Variants in METTL8 observed in about 807,000 individuals in gnomAD.
METTL8 encodes the protein tRNA N(3)-cytidine methyltransferase METTL8, mitochondrial.
A neutral mutation model predicts 48.7 loss-of-function variants in METTL8; 32 were observed. The ratio of observed to expected loss-of-function variants is 0.66; its 90% CI spans 0.50 to 0.88. The LOEUF (loss-of-function observed/expected upper bound fraction) is 0.88, where lower values mean the gene tolerates loss of function less well. METTL8 is among the 40% of genes least tolerant of loss of function. METTL8 has a pLI of 0.00. For synonymous variants in METTL8, 136 were observed against 157.1 expected (o/e 0.87, Z 1.01); for missense variants, 464 against 474.4 (o/e 0.98, Z 0.20).
chr2:171,378,568 G>A (rs2105522319), intron 2 of METTL8, among the ~76,000 whole-genome samples: 1 of 152,186 alleles, frequency 6.6e-6, no homozygotes, highest in East Asian at 1.9e-4. Context: ...GGAGGTGGAG[G>A]TTGCAGTGAG....
At chr2:171,408,523 C>G (rs990219308) in intron 1 of METTL8, among the ~76,000 whole-genome samples, 10 of 152,122 alleles carry the variant, frequency 6.6e-5, no homozygotes, top group South Asian at 2.1e-4. Flanking sequence ...AACTCCCGAT[C>G]TCACGTGATC....
chr2:171,330,562 T>C lies in METTL8; in HGVS notation c.857A>G (p.Asp286Gly), dbSNP rs959955896. Residue 286 changes from aspartate to glycine, a missense_variant, in exon 7 of 10, where the codon GAC becomes GGC. Physicochemically the swap from Asp to Gly is moderately conservative, Grantham distance 94. Coordinates refer to ENST00000375258, the MANE Select transcript of METTL8 (RefSeq NM_001321154.2). ...TTGCCCTTTCGTCTTCATTTACCTG[T>C]CAGGATGAATAGAAGAGAGCACAAA... is the stretch of plus-strand genomic sequence containing the variant. ...LVFVLSSIHP[D>G]RMQGVVNRLS... The C allele has an allele frequency of 5.0e-6, 8 of 1,613,100 alleles. No individual in the cohort carries two copies. The African/African-American group carries it at 5.3e-5, about 11-fold the overall frequency.
At chr2:171,417,409 T>C (rs1691422496) in intron 1 of METTL8, among the ~76,000 whole-genome samples, 1 of 152,160 alleles carries the variant, frequency 6.6e-6, no homozygotes, top group Non-Finnish European at 1.5e-5. Flanking sequence ...TAATAATAAA[T>C]AGATTCAAAC....
intron 1 of METTL8, among the ~76,000 whole-genome samples, chr2:171,399,040 C>T (rs1196776321): frequency 1.3e-5 from 2 of 152,072 alleles, no homozygotes; most frequent in African/African-American, 4.8e-5. Context: ...ATTAATGTCA[C>T]ATCAAAGGTA....
intron 3 of METTL8, among the ~76,000 whole-genome samples, chr2:171,359,770 G>A (rs1398804134): frequency 6.6e-6 from 1 of 151,948 alleles, no homozygotes; most frequent in East Asian, 1.9e-4. Context: ...GTGCCACCAC[G>A]ACCAGCTAAT....
intron 2 of METTL8, among the ~76,000 whole-genome samples, chr2:171,371,599 C>T (rs1319359409): frequency 6.6e-6 from 1 of 151,952 alleles, no homozygotes; most frequent in African/African-American, 2.4e-5. Flanking sequence ...TCAGGTGATG[C>T]GCCTGCCTTG....
At chr2:171,361,888 A>C (rs1429699463) in intron 2 of METTL8, among the ~76,000 whole-genome samples, 1 of 152,232 alleles carries the variant, frequency 6.6e-6, no homozygotes, top group Non-Finnish European at 1.5e-5. Context: ...TGAAACATGC[A>C]TGGCTAGCAC....
intron 6 of METTL8, 45 bp from the exon 7 acceptor site, chr2:171,330,743 C>A: frequency 6.7e-7 from 1 of 1,493,178 alleles, no homozygotes; most frequent in Non-Finnish European, 9.0e-7. Context: ...ACTTAGTAGA[C>A]TTCCGGGATT....
rs1200214853 is a variant in METTL8 at position 171,322,131 on chromosome 2, T to G, written c.*2041A>C. ...GTGCCCACCACCACGCCTGGCTAATTTTTTTTGTATTTTTAGTAGAGACAG... is the reference window on the plus strand; with the variant it reads ...GTGCCCACCACCACGCCTGGCTAATGTTTTTTGTATTTTTAGTAGAGACAG... On this transcript the variant is annotated 3_prime_UTR_variant, in exon 10 of 10. Transcript: ENST00000375258. 5 of 151,510 alleles carry G rather than the reference T, an allele frequency of 3.3e-5. No individual in the cohort carries two copies. Among genetic ancestry groups the G allele is most frequent in the Admixed American group, 2.6e-4 (4 of 15,214 alleles). 9.4% of individuals were successfully genotyped at this position (151,510 alleles called of 1,614,324 possible).
intron 3 of METTL8, among the ~76,000 whole-genome samples, chr2:171,350,052 T>G (rs1683718901): frequency 6.6e-6 from 1 of 152,144 alleles, no homozygotes; most frequent in African/African-American, 2.4e-5. Context: ...CATGTTGGTG[T>G]GCTGCACCCA....
upstream of METTL8, chr2:171,434,663 A>G: frequency 6.5e-7 from 1 of 1,530,282 alleles, no homozygotes; most frequent in East Asian, 2.5e-5. Flanking sequence ...GGCGTGGTGC[A>G]GAGGACCAAC....
At chr2:171,325,683 C>A (rs1684876981) in intron 9 of METTL8, among the ~76,000 whole-genome samples, 158 bp downstream of exon 9, 1 of 152,172 alleles carries the variant, frequency 6.6e-6, no homozygotes, top group Admixed American at 6.5e-5. Flanking sequence ...CATTTTCAAC[C>A]TTTTATGTAG....
chr2:171,407,338 C>CG (rs1331421917), intron 1 of METTL8, among the ~76,000 whole-genome samples: 13 of 149,332 alleles, frequency 8.7e-5, no homozygotes, highest in East Asian at 3.9e-4. Flanking sequence ...ACTCTAAAAG[C>CG]GGGGGGGAAA....
rs548514015 is a variant in METTL8, at chr2:171,323,805, T to C, written c.*367A>G. On this transcript the variant is annotated 3_prime_UTR_variant, in exon 10 of 10. Transcript: ENST00000375258. ...GTCTGACTGTGTTTGGGAACTGGTT[T>C]ACTAAGCCTAAACAAATAAACAATT... 1 of 160,856 alleles carries C rather than the reference T, an allele frequency of 6.2e-6. No homozygotes were observed. Among genetic ancestry groups the C allele is most frequent in the East Asian group, 1.8e-4 (1 of 5,556 alleles). 10.0% of individuals were successfully genotyped at this position (160,856 alleles called of 1,614,324 possible). A position where few individuals can be genotyped will look rare whatever the true frequency, so the allele number is the denominator to read the frequency against.
chr2:171,414,975 T>G (rs1054536684), intron 1 of METTL8, among the ~76,000 whole-genome samples: 4 of 152,152 alleles, frequency 2.6e-5, no homozygotes, highest in African/African-American at 9.7e-5. Context: ...GCTCACATTC[T>G]CTCTCTTGCC....
chr2:171,340,027 T>G (rs113978016), intron 3 of METTL8, among the ~76,000 whole-genome samples: 95 of 150,840 alleles, frequency 6.3e-4, no homozygotes, highest in African/African-American at 2.3e-3. Flanking sequence ...TGAAACCCCA[T>G]CTCTACTAAA....
chr2:171,382,747 A>G (rs892772060), intron 2 of METTL8, among the ~76,000 whole-genome samples: 1 of 152,128 alleles, frequency 6.6e-6, no homozygotes, highest in Non-Finnish European at 1.5e-5. Context: ...GAAAAAAAGA[A>G]AAGAAAACTA....
chr2:171,327,948 C>T (rs148413825), intron 7 of METTL8, among the ~76,000 whole-genome samples: 116 of 152,274 alleles, frequency 7.6e-4, no homozygotes, highest in Admixed American at 2.2e-3. Context: ...CAATCGAACA[C>T]TTTAAAATGT....
Position 171,360,528 on chromosome 2 carries a change from T to A in METTL8, c.144-15A>T, listed in dbSNP as rs139450512. On this transcript the variant is annotated splice_polypyrimidine_tract_variant and intron_variant, in intron 2 of 9. Coordinates refer to ENST00000375258, the MANE Select transcript of METTL8 (RefSeq NM_001321154.2). ...GCATGTGATCCCTATTAAAAAAAAA[T>A]AGACTGTAAAATATGCTTTATCATT... 6.3e-7 allele frequency: 1 copy of A among 1,599,030 alleles called. No individual in the cohort carries two copies. Among genetic ancestry groups the A allele is most frequent in the South Asian group, 1.1e-5 (1 of 89,438 alleles).
Sources: gnomAD v4.1 joint callset for allele counts (sites outside exome capture counted in the v4.1 genomes callset) on GRCh38, gnomAD v4.1.1 for gene constraint, MANE v1.5 for transcripts, NCBI Gene and HGNC (gene_info 2026-07-23, HGNC 2026-07-21) for gene names.